OPHN1: variants seen among roughly 807,000 people sequenced by gnomAD.
OPHN1 encodes the protein oligophrenin-1.
In OPHN1, 11 loss-of-function variants were observed where a neutral mutation model predicts 60.7. The ratio of observed to expected loss-of-function variants is 0.18; its 90% CI spans 0.11 to 0.30. The LOEUF (loss-of-function observed/expected upper bound fraction) is 0.30. OPHN1 is among the 10% of genes least tolerant of loss of function. OPHN1 has a pLI of 1.00. For synonymous variants in OPHN1, 226 were observed against 222.6 expected (o/e 1.02, Z -0.14); for missense variants, 449 against 611.0 (o/e 0.73, Z 2.80).
chrX:68,102,359 G>T (rs1218632957), intron 18 of OPHN1, among the ~76,000 whole-genome samples: 2 of 111,749 alleles, frequency 1.8e-5, no homozygotes, highest in South Asian at 3.7e-4. Context: ...AGAATCTCTG[G>T]GACACAGCTA....
chrX:68,413,271 GA>G (rs1400561016), intron 2 of OPHN1, among the ~76,000 whole-genome samples: 1 of 111,753 alleles, frequency 8.9e-6, no homozygotes, highest in East Asian at 2.8e-4. Flanking sequence ...TATATTCTGT[GA>G]GATGATTTAT....
intron 5 of OPHN1, among the ~76,000 whole-genome samples, chrX:68,251,435 T>C (rs990600862): frequency 2.7e-5 from 3 of 109,585 alleles, no homozygotes; most frequent in Non-Finnish European, 5.7e-5. Context: ...CCACCTGCCT[T>C]GGCCTCCCAA....
intron 19 of OPHN1, among the ~76,000 whole-genome samples, chrX:68,086,519 A>T (rs1008322604): frequency 7.1e-5 from 8 of 112,230 alleles, no homozygotes; most frequent in South Asian, 3.7e-4. Context: ...TCATTTATTG[A>T]GTGTTTACAA....
chrX:68,340,676 A>G (rs976568869), intron 2 of OPHN1, among the ~76,000 whole-genome samples: 5 of 111,240 alleles, frequency 4.5e-5, no homozygotes, highest in Non-Finnish European at 9.5e-5. Context: ...CCCAAAACAC[A>G]AGGAACAAGA....
intron 2 of OPHN1, among the ~76,000 whole-genome samples, chrX:68,416,532 T>C (rs28741038): frequency 0.044 from 4,921 of 111,480 alleles, 292 homozygotes; most frequent in African/African-American, 0.15. Flanking sequence ...AACCCCTGTA[T>C]GAGAGTTTCT....
intron 6 of OPHN1, among the ~76,000 whole-genome samples, chrX:68,215,780 T>C (rs1368630951): frequency 9.0e-6 from 1 of 111,524 alleles, no homozygotes; most frequent in East Asian, 2.8e-4. Context: ...TGTGAAATTA[T>C]CCTTCAAAAG....
chrX:68,236,303 C>A (rs2077752674), intron 5 of OPHN1, among the ~76,000 whole-genome samples: 2 of 111,805 alleles, frequency 1.8e-5, no homozygotes, highest in African/African-American at 6.5e-5. Flanking sequence ...TTGAGAAAAG[C>A]ATGGGCCAGA....
chrX:68,256,990 C>T (rs1056077167), intron 5 of OPHN1, among the ~76,000 whole-genome samples: 1 of 107,369 alleles, frequency 9.3e-6, no homozygotes, highest in Non-Finnish European at 1.9e-5. Flanking sequence ...TGAGACTGCA[C>T]TATGGCACTC....
At chrX:68,264,908 G>A (rs976408419) in intron 5 of OPHN1, among the ~76,000 whole-genome samples, 1 of 112,417 alleles carries the variant, frequency 8.9e-6, no homozygotes, top group African/African-American at 3.2e-5. Context: ...AGGGTCCTAC[G>A]CCCACAGAGC....
intron 15 of OPHN1, among the ~76,000 whole-genome samples, chrX:68,134,947 G>T (rs1347676681): frequency 1.8e-5 from 2 of 111,000 alleles, no homozygotes; most frequent in Non-Finnish European, 3.8e-5. Flanking sequence ...ACTGCAACTT[G>T]CTCAGGACCA....
chrX:68,213,111 G>A (rs1395880866), intron 7 of OPHN1, among the ~76,000 whole-genome samples: 1 of 112,488 alleles, frequency 8.9e-6, no homozygotes, highest in Non-Finnish European at 1.9e-5. Flanking sequence ...GCTCATGCCT[G>A]TAATCCTGGC....
At chrX:68,379,838 A>C (rs941825614) in intron 2 of OPHN1, among the ~76,000 whole-genome samples, 51 of 108,106 alleles carry the variant, frequency 4.7e-4, no homozygotes, top group African/African-American at 1.8e-3. Flanking sequence ...CCAGTATTTT[A>C]TTGAGGATTT....
rs189527465 is a variant in OPHN1, at chrX:68,265,595, A to G, written c.384+9143T>C. On this transcript the variant is annotated intron_variant, in intron 5 of 24. Coordinates refer to ENST00000355520, the MANE Select transcript of OPHN1 (RefSeq NM_002547.3). ...GATGGGGAAAAAACAGAGAAGAAAAACTGGAAACTCTAAAACTCAGAGCAC... is the reference window on the plus strand; with the variant it reads ...GATGGGGAAAAAACAGAGAAGAAAAGCTGGAAACTCTAAAACTCAGAGCAC... Among the ~76,000 whole-genome samples, 5 of 111,607 alleles carry G rather than the reference A, an allele frequency of 4.5e-5. No homozygotes were observed. The East Asian group carries it at 1.1e-3, about 25-fold the overall frequency.
chrX:68,223,726 C>G (rs868009501), intron 6 of OPHN1, among the ~76,000 whole-genome samples: 1 of 110,560 alleles, frequency 9.0e-6, no homozygotes, highest in Non-Finnish European at 1.9e-5. Context: ...AAAACAAAGA[C>G]AGATTAAAAG....
At position 68,223,375 on chromosome X, in the gene OPHN1, T is replaced by C. The variant is rs1364962875; in HGVS notation, c.487-9403A>G. Among the ~76,000 whole-genome samples the C allele has an allele frequency of 2.7e-5, 3 of 112,422 alleles. No individual in the cohort carries two copies. In the Admixed American group the frequency reaches 2.8e-4, roughly 11 times the overall value. ...ACACTCACACACAATGGAATACTAC[T>C]CAGCCATGAAACAGAACAAAATAAT... On this transcript the variant is annotated intron_variant, in intron 6 of 24. Transcript: ENST00000355520.
chrX:68,286,065 G>C (rs1229370544), intron 3 of OPHN1, among the ~76,000 whole-genome samples: 1 of 110,504 alleles, frequency 9.0e-6, no homozygotes, highest in African/African-American at 3.3e-5. Flanking sequence ...TTTTTCCCTT[G>C]TTCAAGGGTC....
chrX:68,301,645 A>C (rs1224626263), intron 2 of OPHN1, among the ~76,000 whole-genome samples: 1 of 111,173 alleles, frequency 9.0e-6, no homozygotes, highest in African/African-American at 3.3e-5. Flanking sequence ...CGTGTGTGAC[A>C]CATTTAATTC....
intron 19 of OPHN1, among the ~76,000 whole-genome samples, chrX:68,091,292 G>C (rs2077017127): frequency 9.0e-6 from 1 of 111,620 alleles, no homozygotes; most frequent in African/African-American, 3.3e-5. Flanking sequence ...AGTCTACAGG[G>C]GCAGAACCAC....
intron 15 of OPHN1, among the ~76,000 whole-genome samples, chrX:68,180,328 A>C (rs2077431221): frequency 8.9e-6 from 1 of 112,015 alleles, no homozygotes; most frequent in Admixed American, 9.5e-5. Context: ...CTTTCTGAAC[A>C]CATTTTAATG....
Sources: allele counts gnomAD v4.1 joint callset (sites outside exome capture counted in the v4.1 genomes callset), GRCh38; gene constraint gnomAD v4.1.1; transcripts MANE v1.5; gene names NCBI Gene and HGNC (gene_info 2026-07-23, HGNC 2026-07-21).